The following BASP1 variants were observed in gnomAD, a reference collection of about 807,000 sequenced individuals.
BASP1 encodes brain abundant membrane attached signal protein 1.
Under a neutral mutation model 2.2 loss-of-function variants are expected in BASP1, and 1 was observed. That is an observed-to-expected ratio of 0.46 (90% CI 0.16 to 2.17). BASP1 has a LOEUF of 2.17. Ranked by LOEUF, BASP1 falls within the 30% of genes most tolerant of loss-of-function variation. BASP1 has a pLI of 0.27. For missense variants in BASP1, 352 were observed against 327.2 expected (o/e 1.08, Z -0.58); for synonymous variants, 187 against 154.2 (o/e 1.21, Z -1.58).
intron 1 of BASP1, among the ~76,000 whole-genome samples, chr5:17,257,435 T>C (rs298586): frequency 0.77 from 116,991 of 152,198 alleles, 45,365 homozygotes; most frequent in African/African-American, 0.86. Context: ...TTCAGAGTTA[T>C]TCTCTATTCT....
intron 1 of BASP1, among the ~76,000 whole-genome samples, chr5:17,242,173 C>A (rs78552671): frequency 7.7e-4 from 117 of 152,260 alleles, no homozygotes; most frequent in Non-Finnish European, 1.5e-3. Context: ...TACTCTCAAC[C>A]ATAGTGAATG....
Position 17,275,497 on chromosome 5 carries a change from C to G in BASP1, c.281C>G (p.Ala94Gly). The G allele has an allele frequency of 2.7e-6, 4 of 1,478,040 alleles. No homozygotes were observed. Among genetic ancestry groups the G allele is most frequent in the Non-Finnish European group, 3.6e-6 (4 of 1,117,668 alleles). The allele number at this position is 1,478,040 out of a possible 1,614,324, so 91.6% of individuals were successfully genotyped here. Reference sequence around the variant, plus strand: ...GAGCCCGAGAAGACGGAGGGCGCGGCAGAGGCCAAGGCTGAGCCCCCGAAG... The same window carrying G: ...GAGCCCGAGAAGACGGAGGGCGCGGGAGAGGCCAAGGCTGAGCCCCCGAAG... ...KAEPEKTEGA[A>G]EAKAEPPKAP... is the part of the protein sequence containing the mutation. The change falls in exon 2 of 2, where the codon GCA becomes GGA. Residue 94 changes from alanine to glycine, a missense_variant. By Grantham distance (60) the Ala-to-Gly change is moderately conservative. Coordinates refer to ENST00000322611, the MANE Select transcript of BASP1 (RefSeq NM_006317.5). The surrounding 1 kb of genome is among the most constrained non-coding windows in gnomAD (Gnocchi z 5.3).
At chr5:17,248,757 G>A (rs888137584) in intron 1 of BASP1, among the ~76,000 whole-genome samples, 2 of 152,192 alleles carry the variant, frequency 1.3e-5, no homozygotes, top group Non-Finnish European at 2.9e-5. Flanking sequence ...AGATGGCACA[G>A]AATGAATCAA....
chr5:17,262,996 G>A (rs913805948), intron 1 of BASP1, among the ~76,000 whole-genome samples: 8 of 151,920 alleles, frequency 5.3e-5, no homozygotes, highest in Admixed American at 6.6e-5. Flanking sequence ...ACAGGCACCC[G>A]CCACCACGCC....
At chr5:17,220,404 C>A (rs1739374025) in intron 1 of BASP1, among the ~76,000 whole-genome samples, 1 of 151,914 alleles carries the variant, frequency 6.6e-6, no homozygotes, top group Admixed American at 6.6e-5. Context: ...AATTCAATAG[C>A]AAATATATAC....
intron 1 of BASP1, among the ~76,000 whole-genome samples, chr5:17,237,640 G>A (rs1452187339): frequency 1.4e-5 from 2 of 140,334 alleles, no homozygotes; most frequent in East Asian, 2.1e-4. Context: ...TTTTTTTTCC[G>A]TGATGGAGTC....
In BASP1 at chr5:17,252,901, T is replaced by C. The variant is rs1740130310; in HGVS notation, c.-9-22307T>C. Among the ~76,000 whole-genome samples, 4 of 152,196 alleles carry C rather than the reference T, an allele frequency of 2.6e-5. 1 individual carries two copies. Among genetic ancestry groups the C allele is most frequent in the Admixed American group, 2.6e-4 (4 of 15,270 alleles). ...AAGGGCCAGATAATAATAAATACTT[T>C]AGACTTTCCCAGCCATGCAGTTTCT... On this transcript the variant is annotated intron_variant, in intron 1 of 1. Transcript: ENST00000322611.
chr5:17,221,780 G>A (rs1579478182), intron 1 of BASP1, among the ~76,000 whole-genome samples: 2 of 152,208 alleles, frequency 1.3e-5, no homozygotes, highest in South Asian at 4.1e-4. Flanking sequence ...GGAACTGTGA[G>A]GTTGCAAATA....
At chr5:17,233,598 C>A (rs1009372489) in intron 1 of BASP1, among the ~76,000 whole-genome samples, 2 of 152,100 alleles carry the variant, frequency 1.3e-5, no homozygotes, top group African/African-American at 4.8e-5. Flanking sequence ...TTCTCACAGA[C>A]CTACTGTATG....
intron 1 of BASP1, among the ~76,000 whole-genome samples, chr5:17,220,328 C>T (rs760739273): frequency 1.5e-4 from 23 of 152,026 alleles, no homozygotes; most frequent in Admixed American, 4.6e-4. Context: ...TAGAGAGCTA[C>T]GTTCTTTCTT....
chr5:17,250,024 C>CA (rs1740069263), intron 1 of BASP1, among the ~76,000 whole-genome samples: 1 of 152,030 alleles, frequency 6.6e-6, no homozygotes, highest in South Asian at 2.1e-4. Flanking sequence ...CTCACTGTAA[C>CA]CTCCGCCTCT....
At chr5:17,273,618 T>C (rs1740573601) in intron 1 of BASP1, among the ~76,000 whole-genome samples, 1 of 152,228 alleles carries the variant, frequency 6.6e-6, no homozygotes. Flanking sequence ...AAGATAAATA[T>C]AGGTTATTTC....
At chr5:17,237,690 A>G (rs1739778528) in intron 1 of BASP1, among the ~76,000 whole-genome samples, 1 of 147,584 alleles carries the variant, frequency 6.8e-6, no homozygotes. Context: ...GGCTCACTGT[A>G]ACCTCCACCT....
In BASP1 at chr5:17,276,014, CCTCT is replaced by C. The variant is rs541579871; in HGVS notation, c.*124_*127del. On this transcript the variant is annotated 3_prime_UTR_variant, in exon 2 of 2. Transcript: ENST00000322611. ...TCTCTCTCTCTCCTCTCCTATCTCT[CCTCT>C]CTCTCTCTCCTATACTAACTTGTTT... 57 of 887,492 alleles carry C rather than the reference CCTCT, an allele frequency of 6.4e-5. No homozygotes were observed. Among genetic ancestry groups the C allele is most frequent in the South Asian group, 6.2e-4 (25 of 40,310 alleles). 55.0% of individuals were successfully genotyped at this position (887,492 alleles called of 1,614,324 possible). A position where few individuals can be genotyped will look rare whatever the true frequency, so the allele number is the denominator to read the frequency against.
intron 1 of BASP1, among the ~76,000 whole-genome samples, chr5:17,218,926 G>A (rs926939106): frequency 6.6e-6 from 1 of 151,994 alleles, no homozygotes; most frequent in Non-Finnish European, 1.5e-5. Flanking sequence ...GACAGCCCTT[G>A]CCCATGTAAT....
intron 1 of BASP1, among the ~76,000 whole-genome samples, chr5:17,222,305 C>T (rs1436321995): frequency 6.6e-6 from 1 of 152,076 alleles, no homozygotes; most frequent in African/African-American, 2.4e-5. Context: ...CTTGAATTCC[C>T]CAGGTCTGCT....
Position 17,276,718 on chromosome 5 carries a change from T to C in BASP1, c.*818T>C, listed in dbSNP as rs1238030098. 3 of 143,380 alleles carry C rather than the reference T, an allele frequency of 2.1e-5. No homozygotes were observed. The highest frequency in any genetic ancestry group is 3.2e-5 in the Non-Finnish European group (2 of 62,768). The allele number at this position is 143,380 out of a possible 1,614,324, so 8.9% of individuals were successfully genotyped here. A position where few individuals can be genotyped will look rare whatever the true frequency, so the allele number is the denominator to read the frequency against. On this transcript the variant is annotated 3_prime_UTR_variant, in exon 2 of 2. Transcript: ENST00000322611. ...GTCACAGACACCAACACACCACTCA[T>C]TGGAAAATGGAAAAAAAAAACAAAA...
rs1278293661 is a variant in BASP1 at position 17,260,040 on chromosome 5, T to C, written c.-9-15168T>C. ...GGTTGTGGTTCACTTACTCCCTTTA[T>C]TGACCAAAAGAGCAGGTGATTCATG... On this transcript the variant is annotated intron_variant, in intron 1 of 1. Transcript: ENST00000322611. This position sits in a 1 kb window ranked among gnomAD's most constrained non-coding sequence, Gnocchi z 4.2. 1.3e-5 allele frequency among the ~76,000 whole-genome samples: 2 copies of C among 152,238 alleles called. No individual in the cohort carries two copies. Among genetic ancestry groups the C allele is most frequent in the Non-Finnish European group, 2.9e-5 (2 of 68,044 alleles).
At chr5:17,233,877 C>G (rs1345387588) in intron 1 of BASP1, among the ~76,000 whole-genome samples, 1 of 151,814 alleles carries the variant, frequency 6.6e-6, no homozygotes, top group Non-Finnish European at 1.5e-5. Context: ...GCCTGTAATG[C>G]CAGCACTTTG....
Sources: gnomAD v4.1 joint callset for allele counts (sites outside exome capture counted in the v4.1 genomes callset) on GRCh38, gnomAD v4.1.1 for gene constraint, Gnocchi (gnomAD v3.1) non-coding constraint, MANE v1.5 for transcripts, NCBI Gene and HGNC (gene_info 2026-07-23, HGNC 2026-07-21) for gene names.